MACROD2: variants seen among roughly 807,000 people sequenced by gnomAD.
MACROD2 encodes ADP-ribose glycohydrolase MACROD2.
In MACROD2, 36 loss-of-function variants were observed where a neutral mutation model predicts 70.4. The observed-to-expected ratio is 0.51, with a 90% confidence interval of 0.39 to 0.68. The LOEUF is 0.68. MACROD2 is among the 30% of genes least tolerant of loss of function. The pLI is 0.00. For synonymous variants in MACROD2, 172 were observed against 178.8 expected (o/e 0.96, Z 0.30); for missense variants, 496 against 538.4 (o/e 0.92, Z 0.78).
At chr20:14,219,640 T>TTC (rs1484044617) in intron 3 of MACROD2, among the ~76,000 whole-genome samples, 2 of 152,216 alleles carry the variant, frequency 1.3e-5, no homozygotes, top group Non-Finnish European at 2.9e-5. Context: ...TTCTGGTGCC[T>TTC]TCTCATTTGG....
intron 5 of MACROD2, among the ~76,000 whole-genome samples, chr20:15,085,704 T>C (rs990856683): frequency 4.6e-5 from 7 of 152,036 alleles, no homozygotes; most frequent in Admixed American, 3.9e-4. Flanking sequence ...GATATTCTTA[T>C]TGATTCCTTT....
chr20:14,108,958 A>ATACACAGTCTTTTCC (rs1407594288), intron 3 of MACROD2, among the ~76,000 whole-genome samples: 1 of 152,086 alleles, frequency 6.6e-6, no homozygotes, highest in Non-Finnish European at 1.5e-5. Flanking sequence ...CGTCTGCAGA[A>ATACACAGTCTTTTCC]TACACAGTCT....
intron 4 of MACROD2, among the ~76,000 whole-genome samples, chr20:14,618,898 T>C (rs1463546654): frequency 6.6e-6 from 1 of 152,164 alleles, no homozygotes; most frequent in Non-Finnish European, 1.5e-5. Context: ...TAGCTGCCTG[T>C]CCTGGCAAAA....
intron 5 of MACROD2, among the ~76,000 whole-genome samples, chr20:14,841,805 A>G (rs560938189): frequency 6.6e-6 from 1 of 152,212 alleles, no homozygotes; most frequent in Admixed American, 6.5e-5. Context: ...TAATAAAGAA[A>G]TATTCTATGA....
At position 15,195,373 on chromosome 20, in the gene MACROD2, T is replaced by G. The variant is rs557642779; in HGVS notation, c.419-34567T>G. Among the ~76,000 whole-genome samples the G allele has an allele frequency of 3.9e-5, 6 of 152,060 alleles. No individual in the cohort carries two copies. In the East Asian group the frequency reaches 1.2e-3, roughly 29 times the overall value. ...TAATATCCAGATTCTATAAGAAACT[T>G]AAACAAATTTACAGGAAATAAAACA... is the stretch of plus-strand genomic sequence containing the variant. On this transcript the variant is annotated intron_variant, in intron 5 of 17. Transcript: ENST00000684519.
At chr20:15,964,890 T>A (rs980472514) in intron 12 of MACROD2, among the ~76,000 whole-genome samples, 1 of 152,188 alleles carries the variant, frequency 6.6e-6, no homozygotes, top group African/African-American at 2.4e-5. Context: ...ACTTTATTGA[T>A]GTGTGTGGAG....
At chr20:14,287,953 T>C (rs1238788225) in intron 3 of MACROD2, among the ~76,000 whole-genome samples, 1 of 152,152 alleles carries the variant, frequency 6.6e-6, no homozygotes, top group Admixed American at 6.5e-5. Flanking sequence ...TACAATCTTA[T>C]ATAATGTAAT....
chr20:14,008,501 C>T (rs1012586439), intron 2 of MACROD2, among the ~76,000 whole-genome samples: 5 of 152,176 alleles, frequency 3.3e-5, no homozygotes, highest in Non-Finnish European at 5.9e-5. Context: ...GTTCCGTGCT[C>T]ATAGATAGGA....
intron 10 of MACROD2, among the ~76,000 whole-genome samples, chr20:15,903,081 G>A (rs1427725330): frequency 6.6e-6 from 1 of 152,138 alleles, no homozygotes; most frequent in Non-Finnish European, 1.5e-5. Context: ...TCCAGTAGAG[G>A]AAACAGTAAG....
intron 8 of MACROD2, among the ~76,000 whole-genome samples, chr20:15,679,963 C>G (rs2050138296): frequency 6.6e-6 from 1 of 152,142 alleles, no homozygotes. Flanking sequence ...TCTTTTTTAA[C>G]CAATGCAGGA....
At chr20:14,280,380 A>G (rs2082297418) in intron 3 of MACROD2, among the ~76,000 whole-genome samples, 2 of 152,170 alleles carry the variant, frequency 1.3e-5, no homozygotes, top group African/African-American at 4.8e-5. Flanking sequence ...GGAAATTTTG[A>G]AGCTTTTCCT....
At chr20:15,828,161 G>A (rs1053238681) in intron 8 of MACROD2, among the ~76,000 whole-genome samples, 6 of 152,148 alleles carry the variant, frequency 3.9e-5, no homozygotes, top group Non-Finnish European at 5.9e-5. Context: ...AGGATATGAG[G>A]TGATGAATAT....
chr20:15,418,637 G>T (rs1421463306), intron 6 of MACROD2, among the ~76,000 whole-genome samples: 2 of 152,282 alleles, frequency 1.3e-5, no homozygotes, highest in East Asian at 3.9e-4. Context: ...AACTTATTAA[G>T]AAAACCAGGG....
At chr20:14,048,974 G>T (rs1214846678) in intron 2 of MACROD2, among the ~76,000 whole-genome samples, 1 of 151,984 alleles carries the variant, frequency 6.6e-6, no homozygotes, top group African/African-American at 2.4e-5. Flanking sequence ...GAAAGTAAAA[G>T]AATACTGTCT....
intron 8 of MACROD2, among the ~76,000 whole-genome samples, chr20:15,772,101 A>AAAAAAAAAAAAAAAAAAATATATATAT (rs1555777716): frequency 1.1e-5 from 1 of 91,442 alleles, no homozygotes; most frequent in East Asian, 5.1e-4. Context: ...AAAAAAAAAA[A>AAAAAAAAAAAAAAAAAAATATATATAT]ATATATATAT....
chr20:14,862,029 T>TTTA (rs1568838756), intron 5 of MACROD2, among the ~76,000 whole-genome samples: 7 of 16,966 alleles, frequency 4.1e-4, no homozygotes, highest in Non-Finnish European at 7.2e-4. Context: ...TTATATATAT[T>TTTA]TATATATATT....
At chr20:14,398,363 C>T (rs2083602148) in intron 3 of MACROD2, among the ~76,000 whole-genome samples, 4 of 149,600 alleles carry the variant, frequency 2.7e-5, no homozygotes, top group Admixed American at 2.7e-4. Flanking sequence ...TACATCCCAC[C>T]AACAGTGTGT....
chr20:15,288,249 C>T (rs762805213), intron 6 of MACROD2, among the ~76,000 whole-genome samples: 1 of 152,190 alleles, frequency 6.6e-6, no homozygotes, highest in Non-Finnish European at 1.5e-5. Flanking sequence ...CCATCTGTAC[C>T]AGGCTCTCCA....
intron 13 of MACROD2, among the ~76,000 whole-genome samples, chr20:15,980,170 G>A (rs182473934): frequency 7.2e-5 from 11 of 152,296 alleles, no homozygotes; most frequent in South Asian, 2.1e-4. Flanking sequence ...GAATAACATC[G>A]GTTTCTAAGT....
Sources: allele counts gnomAD v4.1 joint callset (sites outside exome capture counted in the v4.1 genomes callset), GRCh38; gene constraint gnomAD v4.1.1; transcripts MANE v1.5; gene names NCBI Gene and HGNC (gene_info 2026-07-23, HGNC 2026-07-21).